HEPACAM2: variants seen among roughly 807,000 people sequenced by gnomAD.
HEPACAM2 encodes HEPACAM family member 2.
Under a neutral mutation model 49.6 loss-of-function variants are expected in HEPACAM2, and 49 were observed. The observed-to-expected ratio is 0.99, with a 90% CI of 0.78 to 1.25. HEPACAM2 has a LOEUF of 1.25. Among genes scored for constraint, HEPACAM2 ranks in the 50% most tolerant of loss-of-function variants. The pLI is 0.00. For missense variants in HEPACAM2, 525 were observed against 557.2 expected (o/e 0.94, Z 0.58); for synonymous variants, 197 against 202.9 (o/e 0.97, Z 0.25).
intron 1 of HEPACAM2, 52 bp downstream of exon 1, chr7:93,226,316 A>G: frequency 2.7e-6 from 2 of 737,926 alleles, no homozygotes; most frequent in African/African-American, 2.0e-5. Context: ...GTCCACAATT[A>G]AAAAAAAAAA....
intron 4 of HEPACAM2, 59 bp downstream of exon 4, chr7:93,208,521 T>G: frequency 7.0e-7 from 1 of 1,435,560 alleles, no homozygotes; most frequent in Non-Finnish European, 9.6e-7. Flanking sequence ...ATAGGGGAAG[T>G]GCAAGGCCAG....
intron 3 of HEPACAM2, among the ~76,000 whole-genome samples, chr7:93,214,163 A>G (rs1794246275): frequency 6.6e-6 from 1 of 152,168 alleles, no homozygotes; most frequent in Admixed American, 6.6e-5. Flanking sequence ...TTTAGCACAA[A>G]CAAGACCCTG....
Position 93,219,266 on chromosome 7 carries a change from C to CTTG in HEPACAM2, c.264_265insCAA (p.Val88_Val89insGln). ...TTGTGTTGGTATTCCAAGTCAGGAA[C>CTTG]CACAGACTTATTCACAGAGCCCAGT... On this transcript the variant is annotated inframe_insertion, in exon 2 of 10. Transcript: ENST00000394468. 22 of 1,613,966 alleles carry CTTG rather than the reference C, an allele frequency of 1.4e-5. No homozygotes were observed. Among genetic ancestry groups the CTTG allele is most frequent in the Non-Finnish European group, 1.7e-5 (20 of 1,179,940 alleles).
intron 4 of HEPACAM2, among the ~76,000 whole-genome samples, chr7:93,202,032 C>CAAAAAAAAAAAAAAAAAAAAAAAAA (rs71998232): frequency 2.0e-5 from 2 of 102,008 alleles, no homozygotes; most frequent in Non-Finnish European, 3.8e-5. Flanking sequence ...AAAAAAAAAC[C>CAAAAAAAAAAAAAAAAAAAAAAAAA]AAAAAAAAAA....
chr7:93,224,272 A>G, intron 1 of HEPACAM2, among the ~76,000 whole-genome samples: 1 of 152,126 alleles, frequency 6.6e-6, no homozygotes, highest in African/African-American at 2.4e-5. Flanking sequence ...TATTTGAAAA[A>G]ATACAAAAAC....
At chr7:93,223,123 A>C (rs962210071) in intron 1 of HEPACAM2, among the ~76,000 whole-genome samples, 3 of 152,236 alleles carry the variant, frequency 2.0e-5, no homozygotes, top group Non-Finnish European at 4.4e-5. Context: ...TAGGCTGAGA[A>C]GGTCTGAATG....
At chr7:93,201,096 T>C (rs577567961) in intron 4 of HEPACAM2, among the ~76,000 whole-genome samples, 1 of 152,250 alleles carries the variant, frequency 6.6e-6, no homozygotes, top group East Asian at 1.9e-4. Flanking sequence ...GTGGCCCCAG[T>C]GGGAATTGAT....
chr7:93,211,841 T>C (rs1206037457), intron 3 of HEPACAM2, among the ~76,000 whole-genome samples: 1 of 152,042 alleles, frequency 6.6e-6, no homozygotes, highest in Non-Finnish European at 1.5e-5. Flanking sequence ...CAAGGCAGAC[T>C]TGATAAAGAA....
chr7:93,190,454 A>G (rs1299012875), intron 9 of HEPACAM2, among the ~76,000 whole-genome samples: 4 of 152,000 alleles, frequency 2.6e-5, no homozygotes, highest in African/African-American at 9.7e-5. Flanking sequence ...AAAGATCTAC[A>G]TAGATGAACT....
rs766004798 is a variant in HEPACAM2, at chr7:93,208,627, G to C, written c.965C>G (p.Thr322Ser). 8.1e-6 allele frequency: 13 copies of C among 1,612,992 alleles called. No homozygotes were observed. In the South Asian group the frequency reaches 1.3e-4, roughly 16 times the overall value. The change falls in exon 4 of 10, where the codon ACC becomes AGC. Residue 322 changes from threonine to serine, a missense_variant. By Grantham distance (58) the Thr-to-Ser change is moderately conservative. Transcript: ENST00000394468. ...DYVCCAYNNI[T>S]GRQDETHFTV... ...GAAATGAGTTTCATCTTGCCTGCCG[G>C]TTATGTTGTTGTAAGCACAGCACAC...
chr7:93,205,862 TC>T (rs1042961717), intron 4 of HEPACAM2, among the ~76,000 whole-genome samples: 3 of 152,090 alleles, frequency 2.0e-5, no homozygotes, highest in African/African-American at 7.2e-5. Context: ...CACAAAGAGG[TC>T]ACTAATATTG....
upstream of HEPACAM2, chr7:93,226,599 G>A: frequency 1.7e-6 from 1 of 578,846 alleles, no homozygotes; most frequent in African/African-American, 1.9e-5. Flanking sequence ...CACAGGGAGT[G>A]GGAACACCTG....
chr7:93,213,638 T>C (rs1042758336), intron 3 of HEPACAM2, among the ~76,000 whole-genome samples: 1 of 152,120 alleles, frequency 6.6e-6, no homozygotes, highest in Non-Finnish European at 1.5e-5. Flanking sequence ...TTTCTTAATC[T>C]CTGTCAGCTA....
At chr7:93,189,698 G>A (rs1793492692) in intron 9 of HEPACAM2, among the ~76,000 whole-genome samples, 1 of 151,832 alleles carries the variant, frequency 6.6e-6, no homozygotes, top group Non-Finnish European at 1.5e-5. Context: ...GACACATGAA[G>A]TAAAGAAAAT....
chr7:93,227,648 C>T (rs1168424504), upstream of HEPACAM2, among the ~76,000 whole-genome samples: 1 of 152,144 alleles, frequency 6.6e-6, no homozygotes, highest in Non-Finnish European at 1.5e-5. Context: ...ACTTTCAGAT[C>T]CCTCCATGCT....
At chr7:93,217,842 T>C (rs1353761683) in intron 2 of HEPACAM2, among the ~76,000 whole-genome samples, 2 of 151,600 alleles carry the variant, frequency 1.3e-5, no homozygotes. Context: ...TGACTCTCTC[T>C]CTCTCTCTTT....
chr7:93,200,545 TAA>T (rs1793856122), intron 4 of HEPACAM2, among the ~76,000 whole-genome samples: 1 of 152,098 alleles, frequency 6.6e-6, no homozygotes, highest in Non-Finnish European at 1.5e-5. Context: ...GAATAAAGAT[TAA>T]TAAAACAAGT....
chr7:93,197,731 G>GAC (rs1476220904), intron 4 of HEPACAM2, 121 bp from the exon 5 acceptor site: 3 of 658,600 alleles, frequency 4.6e-6, no homozygotes, highest in East Asian at 2.8e-5. Context: ...GTATATTAGA[G>GAC]ACACACAGAG....
Position 93,189,281 on chromosome 7 carries a change from G to T in HEPACAM2, c.1386-11C>A. 1 of 1,586,520 alleles carries T rather than the reference G, an allele frequency of 6.3e-7. No homozygotes were observed. The highest frequency in any genetic ancestry group is 8.6e-7 in the Non-Finnish European group (1 of 1,164,372). ...CCCATGAAAGTTCACCTAGTGAAGA[G>T]ATATACAAAATATGTAAACAGTTCT... On this transcript the variant is annotated splice_polypyrimidine_tract_variant and intron_variant, in intron 9 of 9. Coordinates refer to ENST00000394468, the MANE Select transcript of HEPACAM2 (RefSeq NM_001039372.4).
Sources: gnomAD v4.1 joint callset for allele counts (sites outside exome capture counted in the v4.1 genomes callset) on GRCh38, gnomAD v4.1.1 for gene constraint, MANE v1.5 for transcripts, NCBI Gene and HGNC (gene_info 2026-07-23, HGNC 2026-07-21) for gene names.